Variants in KIF26B observed in about 807,000 individuals in gnomAD.
The protein encoded by KIF26B is kinesin family member 26B, also known as kinesin-like protein KIF26B.
A neutral mutation model predicts 151.2 loss-of-function variants in KIF26B; 63 were observed. The ratio of observed to expected loss-of-function variants is 0.42; its 90% confidence interval spans 0.34 to 0.51. The LOEUF (loss-of-function observed/expected upper bound fraction) is 0.51, where lower values mean the gene tolerates loss of function less well. Among genes scored for constraint, KIF26B ranks in the 20% least tolerant of loss-of-function variants. KIF26B has a pLI of 0.07. For missense variants in KIF26B, 2,813 were observed against 2,913.6 expected (o/e 0.97, Z 0.79); for synonymous variants, 1,357 against 1,262.1 (o/e 1.08, Z -1.59).
At chr1:245,334,452 T>C (rs996753746) in intron 2 of KIF26B, among the ~76,000 whole-genome samples, 6 of 152,192 alleles carry the variant, frequency 3.9e-5, no homozygotes, top group African/African-American at 1.4e-4. Flanking sequence ...TCAAAACAGA[T>C]GTCTTCTGCA....
Position 245,229,119 on chromosome 1 carries a change from A to C in KIF26B, c.465+72436A>C, listed in dbSNP as rs542380171. ...GTAGGTCAGACTACAGGCACGTGCC[A>C]CGATATCTGGCTAATTTTTAAAAAT... On this transcript the variant is annotated intron_variant, in intron 2 of 14. Coordinates refer to ENST00000407071, the MANE Select transcript of KIF26B (RefSeq NM_018012.4). Among the ~76,000 whole-genome samples, 13 of 152,164 alleles carry C rather than the reference A, an allele frequency of 8.5e-5. No individual in the cohort carries two copies. The South Asian group carries it at 2.7e-3, about 32-fold the overall frequency.
chr1:245,346,656 C>T (rs1404118727), intron 2 of KIF26B, among the ~76,000 whole-genome samples: 2 of 152,166 alleles, frequency 1.3e-5, no homozygotes, highest in Non-Finnish European at 2.9e-5. Flanking sequence ...CTTCACTCAA[C>T]CTCAGCCCCC....
At position 245,511,986 on chromosome 1, in the gene KIF26B, A is replaced by G. The variant is rs1453651815; in HGVS notation, c.1167-28781A>G. 3.7e-5 allele frequency among the ~76,000 whole-genome samples: 5 copies of G among 135,866 alleles called. No individual in the cohort carries two copies. In the East Asian group the frequency reaches 1.1e-3, roughly 30 times the overall value. 89.1% of individuals were successfully genotyped at this position (135,866 alleles called of 152,430 possible). On this transcript the variant is annotated intron_variant, in intron 4 of 14. Transcript: ENST00000407071. The stretch of plus-strand genomic sequence containing the variant: ...GTTAATTTTGTGTAGGAAGAGTAAC[A>G]TAAGCTTTCTTGATTAAAAAGCAGT...
chr1:245,633,448 T>C (rs1052442075), intron 9 of KIF26B, among the ~76,000 whole-genome samples: 2 of 152,238 alleles, frequency 1.3e-5, no homozygotes, highest in African/African-American at 4.8e-5. Context: ...CTTCCTCTTG[T>C]ATTGCTTACC....
rs1672991603 is a variant in KIF26B, at chr1:245,367,508, T to C, written c.999+141T>C. 1 of 846,858 alleles carries C rather than the reference T, an allele frequency of 1.2e-6. No individual in the cohort carries two copies. Among genetic ancestry groups the C allele is most frequent in the African/African-American group, 1.7e-5 (1 of 58,614 alleles). 52.5% of individuals were successfully genotyped at this position (846,858 alleles called of 1,614,324 possible). On this transcript the variant is annotated intron_variant, in intron 3 of 14. Transcript: ENST00000407071. The surrounding 1 kb of genome is among the most constrained non-coding windows in gnomAD (Gnocchi z 4.2). ...TTTCCATGTGGCCCCCACAGAGTTC[T>C]CATCAAGGTGCCCCACCCGGGCCTG...
In KIF26B at chr1:245,244,761, C is replaced by CAG. The variant is rs932539812; in HGVS notation, c.465+88079_465+88080insGA. On this transcript the variant is annotated intron_variant, in intron 2 of 14. Transcript: ENST00000407071. The surrounding 1 kb of genome is among the most constrained non-coding windows in gnomAD (Gnocchi z 4.2). The stretch of plus-strand genomic sequence containing the variant: ...GAACACACAGACACGCACACTCACA[C>CAG]ACACACACACACACACACACACACA... Among the ~76,000 whole-genome samples, 1 of 139,550 alleles carries CAG rather than the reference C, an allele frequency of 7.2e-6. No homozygotes were observed. The highest frequency in any genetic ancestry group is 1.5e-5 in the Non-Finnish European group (1 of 67,240). The allele number at this position is 139,550 out of a possible 152,430, so 91.6% of individuals were successfully genotyped here.
intron 2 of KIF26B, among the ~76,000 whole-genome samples, chr1:245,208,154 A>G (rs1669443421): frequency 6.6e-6 from 1 of 152,222 alleles, no homozygotes; most frequent in African/African-American, 2.4e-5. Context: ...TTTCTTGGCA[A>G]TTGAAACCAA....
intron 10 of KIF26B, among the ~76,000 whole-genome samples, chr1:245,656,238 C>G (rs546830461): frequency 6.6e-6 from 1 of 151,958 alleles, no homozygotes; most frequent in Non-Finnish European, 1.5e-5. Flanking sequence ...AAGAAGGGGT[C>G]GGGTGGGGCT....
chr1:245,399,733 A>G (rs2103026316), intron 3 of KIF26B, among the ~76,000 whole-genome samples: 1 of 152,304 alleles, frequency 6.6e-6, no homozygotes, highest in East Asian at 1.9e-4. Flanking sequence ...ATGTTCAGCA[A>G]TTCTGGTCCC....
intron 4 of KIF26B, among the ~76,000 whole-genome samples, chr1:245,508,206 C>A (rs1374051730): frequency 6.6e-6 from 1 of 152,240 alleles, no homozygotes; most frequent in African/African-American, 2.4e-5. Context: ...TTCATTCATT[C>A]ATTCATCTAT....
rs914823480 is a variant in KIF26B, at chr1:245,646,280, A to C, written c.2258A>C (p.Lys753Thr). 4 of 1,613,560 alleles carry C rather than the reference A, an allele frequency of 2.5e-6. No homozygotes were observed. Among genetic ancestry groups the C allele is most frequent in the Admixed American group, 1.7e-5 (1 of 59,970 alleles). ...LVNGSKHIPY[K>T]ESKLAMLLRE... ...AATGGCAGCAAACACATTCCATACAAGTAAGTGACTCTTCTACTCAAAGAA... is the reference window on the plus strand; with the variant it reads ...AATGGCAGCAAACACATTCCATACACGTAAGTGACTCTTCTACTCAAAGAA... Residue 753 changes from lysine to threonine, a missense_variant and splice_region_variant, in exon 10 of 15, where the codon AAA becomes ACA. This residue lies in a region of KIF26B where 2,060 missense variants were observed against 2,088.6 expected (regional missense o/e 0.99). Coordinates refer to ENST00000407071, the MANE Select transcript of KIF26B (RefSeq NM_018012.4).
At chr1:245,450,086 T>G (rs1376931105) in intron 4 of KIF26B, among the ~76,000 whole-genome samples, 1 of 152,172 alleles carries the variant, frequency 6.6e-6, no homozygotes, top group Non-Finnish European at 1.5e-5. Context: ...ACAATTGGTG[T>G]GTATCTGGGT....
intron 2 of KIF26B, among the ~76,000 whole-genome samples, chr1:245,285,998 TAA>T (rs34582895): frequency 2.2e-4 from 24 of 110,756 alleles, no homozygotes; most frequent in Admixed American, 4.0e-4. Context: ...ACCCTCTCTC[TAA>T]AAAAAAAAAA....
intron 3 of KIF26B, among the ~76,000 whole-genome samples, chr1:245,372,619 G>A (rs1673155127): frequency 6.6e-6 from 1 of 152,166 alleles, no homozygotes; most frequent in African/African-American, 2.4e-5. Flanking sequence ...ACTTTGAAAG[G>A]ATGTGTCTAG....
intron 3 of KIF26B, among the ~76,000 whole-genome samples, chr1:245,411,867 G>A (rs980132855): frequency 2.0e-5 from 3 of 152,010 alleles, no homozygotes; most frequent in African/African-American, 4.8e-5. Context: ...TCACTGCATC[G>A]TGATGACTGG....
At chr1:245,621,059 C>T (rs1224734854) in intron 9 of KIF26B, among the ~76,000 whole-genome samples, 1 of 152,136 alleles carries the variant, frequency 6.6e-6, no homozygotes, top group Admixed American at 6.5e-5. Context: ...TTAGACTCAC[C>T]TGGAGGGCTT....
At chr1:245,309,613 T>A (rs1671625928) in intron 2 of KIF26B, among the ~76,000 whole-genome samples, 1 of 151,106 alleles carries the variant, frequency 6.6e-6, no homozygotes, top group Non-Finnish European at 1.5e-5. Context: ...CTCCATCTTA[T>A]GATAAATCAA....
rs142784211 is a variant in KIF26B, at chr1:245,602,501, C to T, written c.1351-76C>T. ...AGTGCTGCCATGTGCATGTATATCG[C>T]AGAGTATACAAGGGTGCTCCATCGT... On this transcript the variant is annotated intron_variant, in intron 5 of 14. Transcript: ENST00000407071. This position sits in a 1 kb window ranked among gnomAD's most constrained non-coding sequence, Gnocchi z 4.5. 1,274 of 1,142,232 alleles carry T rather than the reference C, an allele frequency of 1.1e-3. 13 individuals carry two copies. In the African/African-American group the frequency reaches 0.016, roughly 14 times the overall value. 70.8% of individuals were successfully genotyped at this position (1,142,232 alleles called of 1,614,324 possible). A position where few individuals can be genotyped will look rare whatever the true frequency, so the allele number is the denominator to read the frequency against.
chr1:245,675,153 G>A (rs35166037), intron 10 of KIF26B, among the ~76,000 whole-genome samples: 45,632 of 152,100 alleles, frequency 0.3, 8,529 homozygotes, highest in Middle Eastern at 0.41. Context: ...TTCCATTGTC[G>A]TCAGGACACA....
Sources: allele counts gnomAD v4.1 joint callset (sites outside exome capture counted in the v4.1 genomes callset), GRCh38; gene constraint gnomAD v4.1.1; regional missense constraint gnomAD v4.1.1; non-coding constraint Gnocchi (gnomAD v3.1); transcripts MANE v1.5; gene names NCBI Gene and HGNC (gene_info 2026-07-23, HGNC 2026-07-21).